KCNIP4: variants seen among roughly 807,000 people sequenced by gnomAD.
The protein encoded by KCNIP4 is Kv channel-interacting protein 4.
Under a neutral mutation model 34.0 loss-of-function variants are expected in KCNIP4, and 12 were observed. That is an observed-to-expected ratio of 0.35 (90% CI 0.23 to 0.57). The LOEUF (loss-of-function observed/expected upper bound fraction) is 0.57, where lower values mean the gene tolerates loss of function less well. Among genes scored for constraint, KCNIP4 ranks in the 20% least tolerant of loss-of-function variants. The probability of loss-of-function intolerance (pLI) is 0.83; values close to 1 mark genes in which losing one functional copy is unlikely to be tolerated. For missense variants in KCNIP4, 238 were observed against 311.7 expected, an observed-to-expected ratio of 0.76 and a Z score of 1.78; for synonymous variants, 124 against 102.2, an observed-to-expected ratio of 1.21 and a Z score of -1.29.
chr4:20,861,113 G>C (rs1273003242), intron 2 of KCNIP4, among the ~76,000 whole-genome samples: 1 of 152,140 alleles, frequency 6.6e-6, no homozygotes, highest in East Asian at 1.9e-4. Context: ...CAGCTGTGCA[G>C]CTGATGAGTG....
intron 1 of KCNIP4, among the ~76,000 whole-genome samples, chr4:21,889,643 A>G (rs994969676): frequency 1.3e-5 from 2 of 152,124 alleles, no homozygotes; most frequent in Non-Finnish European, 2.9e-5. Flanking sequence ...AATACTAGAA[A>G]CAACTACCCT....
intron 1 of KCNIP4, among the ~76,000 whole-genome samples, chr4:21,130,243 CAG>C (rs1750959574): frequency 6.6e-6 from 1 of 152,132 alleles, no homozygotes; most frequent in African/African-American, 2.4e-5. Context: ...GCATCACTTG[CAG>C]AGAGTCTTAA....
intron 1 of KCNIP4, among the ~76,000 whole-genome samples, chr4:20,887,953 G>A (rs1034962929): frequency 6.6e-6 from 1 of 152,008 alleles, no homozygotes; most frequent in South Asian, 2.1e-4. Context: ...AAAGTTGGGG[G>A]AGGGTCAATG....
At chr4:21,472,028 T>A (rs2109807541) in intron 1 of KCNIP4, among the ~76,000 whole-genome samples, 1 of 152,200 alleles carries the variant, frequency 6.6e-6, no homozygotes, top group East Asian at 1.9e-4. Flanking sequence ...CTTTCTACTT[T>A]GTATCATCAC....
At chr4:20,746,315 T>G (rs1312166317) in intron 5 of KCNIP4, among the ~76,000 whole-genome samples, 2 of 151,616 alleles carry the variant, frequency 1.3e-5, no homozygotes. Context: ...AGCTGGGAAT[T>G]GAACAATGAG....
chr4:20,974,811 A>G (rs1735324165), intron 1 of KCNIP4, among the ~76,000 whole-genome samples: 1 of 152,208 alleles, frequency 6.6e-6, no homozygotes, highest in African/African-American at 2.4e-5. Context: ...TGACTAGTAC[A>G]GTTCTTGGTA....
At chr4:21,018,669 G>T (rs1739766597) in intron 1 of KCNIP4, among the ~76,000 whole-genome samples, 1 of 151,982 alleles carries the variant, frequency 6.6e-6, no homozygotes, top group Non-Finnish European at 1.5e-5. Flanking sequence ...TTCACTTAGG[G>T]TCAGACTTGC....
intron 1 of KCNIP4, among the ~76,000 whole-genome samples, chr4:21,340,765 C>A (rs1439944373): frequency 6.6e-6 from 1 of 151,978 alleles, no homozygotes; most frequent in East Asian, 1.9e-4. Flanking sequence ...GACTCAATGG[C>A]CAAGTATATT....
chr4:21,409,096 T>C (rs938655033), intron 1 of KCNIP4, among the ~76,000 whole-genome samples: 3 of 151,978 alleles, frequency 2.0e-5, no homozygotes, highest in African/African-American at 7.2e-5. Flanking sequence ...AAGTTTTTTT[T>C]TGTTTTTTAC....
intron 1 of KCNIP4, among the ~76,000 whole-genome samples, chr4:21,227,357 G>C (rs926347125): frequency 1.3e-5 from 2 of 152,186 alleles, no homozygotes; most frequent in African/African-American, 2.4e-5. Flanking sequence ...ACTTGGCCCA[G>C]AGCAGGAGCA....
intron 4 of KCNIP4, among the ~76,000 whole-genome samples, chr4:20,756,444 A>G (rs1754457892): frequency 6.6e-6 from 1 of 152,064 alleles, no homozygotes; most frequent in African/African-American, 2.4e-5. Flanking sequence ...CTTCTTTACC[A>G]GTCTTCCCTG....
intron 1 of KCNIP4, among the ~76,000 whole-genome samples, chr4:21,874,784 C>T (rs1253160781): frequency 1.3e-5 from 2 of 152,168 alleles, no homozygotes; most frequent in East Asian, 3.9e-4. Flanking sequence ...CAACATTTAG[C>T]ATTCTTTTTA....
intron 1 of KCNIP4, among the ~76,000 whole-genome samples, chr4:21,787,285 T>A (rs1222082150): frequency 6.6e-6 from 1 of 152,186 alleles, no homozygotes; most frequent in East Asian, 1.9e-4. Context: ...ATTCTCAAGT[T>A]TAAAAATCTG....
At chr4:21,144,940 A>T (rs1360786146) in intron 1 of KCNIP4, among the ~76,000 whole-genome samples, 1 of 151,572 alleles carries the variant, frequency 6.6e-6, no homozygotes, top group Non-Finnish European at 1.5e-5. Flanking sequence ...GAGTTTTGGG[A>T]GTTTGGCACT....
chr4:21,000,681 G>C (rs146002276), intron 1 of KCNIP4, among the ~76,000 whole-genome samples: 4 of 151,278 alleles, frequency 2.6e-5, no homozygotes, highest in Admixed American at 6.6e-5. Context: ...ACATAACTTC[G>C]TCTCAAAGAA....
intron 3 of KCNIP4, among the ~76,000 whole-genome samples, chr4:20,778,872 T>C (rs1756604721): frequency 6.6e-6 from 1 of 152,176 alleles, no homozygotes; most frequent in Non-Finnish European, 1.5e-5. Flanking sequence ...TGTGTGTGCA[T>C]GTAAAAGTTG....
chr4:21,442,719 G>T (rs977138073), intron 1 of KCNIP4, among the ~76,000 whole-genome samples: 3 of 152,056 alleles, frequency 2.0e-5, no homozygotes, highest in Non-Finnish European at 2.9e-5. Context: ...GTGTCTCAGG[G>T]TTCAGCTCAT....
chr4:21,007,621 G>A (rs887084232), intron 1 of KCNIP4, among the ~76,000 whole-genome samples: 8 of 152,096 alleles, frequency 5.3e-5, no homozygotes, highest in Non-Finnish European at 8.8e-5. Context: ...CATTCTGAAA[G>A]CAAAGCAAGT....
chr4:21,680,284 A>G, intron 1 of KCNIP4, among the ~76,000 whole-genome samples: 1 of 152,178 alleles, frequency 6.6e-6, no homozygotes, highest in East Asian at 1.9e-4. Flanking sequence ...CTCTTCATCC[A>G]TTTAAGTTTG....
Sources: allele counts gnomAD v4.1 joint callset (sites outside exome capture counted in the v4.1 genomes callset), GRCh38; gene constraint gnomAD v4.1.1; transcripts MANE v1.5; gene names NCBI Gene and HGNC (gene_info 2026-07-23, HGNC 2026-07-21).